The following TUSC3 variants were observed in gnomAD, a reference collection of about 807,000 sequenced individuals.
TUSC3 encodes the protein dolichyl-diphosphooligosaccharide--protein glycosyltransferase subunit TUSC3.
In TUSC3, 45 loss-of-function variants were observed where a neutral mutation model predicts 44.8. That is an observed-to-expected ratio of 1.00 (90% CI 0.79 to 1.29). The LOEUF (loss-of-function observed/expected upper bound fraction) is 1.29, where lower values mean the gene tolerates loss of function less well. Among genes scored for constraint, TUSC3 ranks in the 50% most tolerant of loss-of-function variants. TUSC3 has a pLI of 0.00. For missense variants in TUSC3, 519 were observed against 437.9 expected (o/e 1.19, Z -1.65); for synonymous variants, 212 against 152.9 (o/e 1.39, Z -2.85).
intron 1 of TUSC3, among the ~76,000 whole-genome samples, chr8:15,562,862 T>A (rs1247626651): frequency 6.6e-6 from 1 of 152,184 alleles, no homozygotes; most frequent in Non-Finnish European, 1.5e-5. Context: ...TAGGTGAGGC[T>A]AATCCAGGAT....
the TUSC3 span, among the ~76,000 whole-genome samples, chr8:15,837,693 T>C: frequency 6.6e-6 from 1 of 152,218 alleles, no homozygotes; most frequent in Non-Finnish European, 1.5e-5. Flanking sequence ...CTTTGTTTAG[T>C]GTTCTAGCTT....
chr8:15,555,162 T>TTG (rs1563287211), intron 1 of TUSC3, among the ~76,000 whole-genome samples: 11 of 63,464 alleles, frequency 1.7e-4, no homozygotes, highest in African/African-American at 3.4e-4. Context: ...TTTTTTTTTT[T>TTG]GGGGGGGACG....
intron 10 of TUSC3, chr8:15,758,233 T>G: frequency 1.0e-6 from 1 of 1,003,428 alleles, no homozygotes; most frequent in Non-Finnish European, 1.2e-6. Flanking sequence ...ACAAATAATG[T>G]AAGCCTTAAT....
At chr8:15,715,708 A>C (rs547508698) in intron 6 of TUSC3, among the ~76,000 whole-genome samples, 1 of 152,224 alleles carries the variant, frequency 6.6e-6, no homozygotes, top group Non-Finnish European at 1.5e-5. Context: ...AGAAAAAAAA[A>C]AATTATTTCA....
At position 15,567,461 on chromosome 8, in the gene TUSC3, T is replaced by G. The variant is rs74794160; in HGVS notation, c.138+26893T>G. On this transcript the variant is annotated intron_variant, in intron 1 of 10. Transcript: ENST00000503731. ...AGTAGGTACTTACTTATTTAACATT[T>G]AAAATAGTAGCAAACATTTTCACAT... Among the ~76,000 whole-genome samples the G allele has an allele frequency of 1.5e-3, 233 of 152,316 alleles. 1 individual carries two copies. Among genetic ancestry groups the G allele is most frequent in the African/African-American group, 5.5e-3 (227 of 41,574 alleles).
intron 1 of TUSC3, among the ~76,000 whole-genome samples, chr8:15,608,902 A>G (rs186932945): frequency 6.6e-6 from 1 of 152,300 alleles, no homozygotes; most frequent in African/African-American, 2.4e-5. Context: ...AAAATAACCA[A>G]AAGAAATCTT....
intron 1 of TUSC3, among the ~76,000 whole-genome samples, chr8:15,475,355 C>G (rs998611581): frequency 1.3e-5 from 2 of 152,140 alleles, no homozygotes; most frequent in Admixed American, 1.3e-4. Flanking sequence ...ATCCCTATCC[C>G]CTTTGTGTGA....
chr8:15,619,773 G>C (rs1466056681), intron 1 of TUSC3, among the ~76,000 whole-genome samples: 1 of 152,160 alleles, frequency 6.6e-6, no homozygotes. Context: ...GCCTCCCAAA[G>C]TGCTGGGATT....
rs77744671 is a variant in TUSC3, at chr8:15,675,942, G to A, written c.798+2106G>A. ...TGTAGAACAATTTATTTTCCTTTGG[G>A]TATATACCAGCAATGGATCGCTGGG... On this transcript the variant is annotated intron_variant, in intron 6 of 10. Coordinates refer to ENST00000503731, the MANE Select transcript of TUSC3 (RefSeq NM_006765.4). Among the ~76,000 whole-genome samples, 1,363 of 152,148 alleles carry A rather than the reference G, an allele frequency of 9.0e-3. 16 individuals carry two copies. Among genetic ancestry groups the A allele is most frequent in the African/African-American group, 0.031 (1,294 of 41,506 alleles).
chr8:15,501,574 A>G (rs1010408510), intron 2 of TUSC3, among the ~76,000 whole-genome samples: 15 of 152,294 alleles, frequency 9.8e-5, no homozygotes, highest in African/African-American at 3.1e-4. Flanking sequence ...ATTGGTCACA[A>G]TGTTTTGGGA....
At chr8:15,470,110 A>G (rs913355018) in intron 1 of TUSC3, among the ~76,000 whole-genome samples, 20 of 151,868 alleles carry the variant, frequency 1.3e-4, no homozygotes, top group Admixed American at 1.1e-3. Flanking sequence ...ATTAACAAAA[A>G]AAAAAAGCTA....
At chr8:15,655,893 TA>T (rs1372783764) in intron 3 of TUSC3, among the ~76,000 whole-genome samples, 1 of 152,088 alleles carries the variant, frequency 6.6e-6, no homozygotes, top group Non-Finnish European at 1.5e-5. Context: ...TGGTTAAATC[TA>T]AATTCTGTAG....
At chr8:15,444,603 AT>A (rs762017868) in intron 1 of TUSC3, among the ~76,000 whole-genome samples, 21 of 152,148 alleles carry the variant, frequency 1.4e-4, no homozygotes, top group Admixed American at 2.6e-4. Context: ...CTTGCTTAAA[AT>A]TAGACAAATG....
At chr8:15,731,812 T>C (rs1008535581) in intron 7 of TUSC3, among the ~76,000 whole-genome samples, 2 of 152,208 alleles carry the variant, frequency 1.3e-5, no homozygotes, top group Non-Finnish European at 2.9e-5. Flanking sequence ...TAACAATGCA[T>C]TTTTAAAAAT....
intron 2 of TUSC3, 105 bp downstream of exon 2, chr8:15,623,354 A>G (rs2129164654): frequency 4.4e-6 from 5 of 1,146,674 alleles, no homozygotes; most frequent in East Asian, 2.7e-5. Flanking sequence ...CAGTTGTTTA[A>G]TAGTCAAATA....
chr8:15,537,823 G>A (rs372798891), upstream of TUSC3, among the ~76,000 whole-genome samples: 3 of 152,094 alleles, frequency 2.0e-5, no homozygotes, highest in South Asian at 6.2e-4. Context: ...GATGAGTTGT[G>A]ATTATGTTGA....
intron 1 of TUSC3, among the ~76,000 whole-genome samples, chr8:15,442,218 A>G (rs1023111726): frequency 1.3e-5 from 2 of 152,184 alleles, no homozygotes; most frequent in South Asian, 2.1e-4. Flanking sequence ...GTTGCAATTT[A>G]TACTACCTAT....
intron 1 of TUSC3, among the ~76,000 whole-genome samples, chr8:15,574,085 CAA>C (rs1276919888): frequency 1.3e-5 from 2 of 152,084 alleles, no homozygotes; most frequent in Admixed American, 1.3e-4. Flanking sequence ...ATGGACCTAA[CAA>C]GAGAAGTTCA....
At chr8:15,430,462 AT>A (rs2129116745) in intron 1 of TUSC3, among the ~76,000 whole-genome samples, 1 of 150,692 alleles carries the variant, frequency 6.6e-6, no homozygotes, top group Non-Finnish European at 1.5e-5. Context: ...TAAATTAAGT[AT>A]TGATGGGATG....
Sources: allele counts gnomAD v4.1 joint callset (sites outside exome capture counted in the v4.1 genomes callset), GRCh38; gene constraint gnomAD v4.1.1; transcripts MANE v1.5; gene names NCBI Gene and HGNC (gene_info 2026-07-23, HGNC 2026-07-21).